The following ADARB1 variants were observed in gnomAD, a reference collection of about 807,000 sequenced individuals.
ADARB1 encodes the protein adenosine deaminase RNA specific B1, also known as double-stranded RNA-specific editase 1.
ADARB1 carries 10 observed loss-of-function variants against 52.4 expected under a neutral mutation model. That is an observed-to-expected ratio of 0.19 (90% CI 0.12 to 0.32). The LOEUF is 0.32. Among genes scored for constraint, ADARB1 ranks in the 10% least tolerant of loss-of-function variants. The probability of loss-of-function intolerance (pLI) is 1.00; values close to 1 mark genes in which losing one functional copy is unlikely to be tolerated. For missense variants in ADARB1, 643 were observed against 922.3 expected, an observed-to-expected ratio of 0.70 and a Z score of 3.92; for synonymous variants, 349 against 371.1, an observed-to-expected ratio of 0.94 and a Z score of 0.68.
At chr21:45,124,787 A>ATGTGTGTGTGTGTG (rs56113860) in intron 1 of ADARB1, among the ~76,000 whole-genome samples, 7 of 135,702 alleles carry the variant, frequency 5.2e-5, no homozygotes, top group Admixed American at 2.9e-4. Flanking sequence ...GTGTGTGTGT[A>ATGTGTGTGTGTGTG]TGTGTGTGTG....
At chr21:45,197,948 G>A (rs1313427476) in intron 8 of ADARB1, among the ~76,000 whole-genome samples, 1 of 152,102 alleles carries the variant, frequency 6.6e-6, no homozygotes, top group Non-Finnish European at 1.5e-5. Context: ...GGTTTGGGGA[G>A]TGAGGTCACA....
At chr21:45,188,282 T>A (rs2092173590) in intron 8 of ADARB1, among the ~76,000 whole-genome samples, 1 of 152,128 alleles carries the variant, frequency 6.6e-6, no homozygotes, top group East Asian at 1.9e-4. Context: ...AATTTTTGTA[T>A]TTTTAGTAGA....
chr21:45,147,949 G>A (rs1377816721), intron 2 of ADARB1, among the ~76,000 whole-genome samples: 1 of 151,778 alleles, frequency 6.6e-6, no homozygotes, highest in Non-Finnish European at 1.5e-5. Context: ...CCGCGCCTGT[G>A]CCAACTGCCT....
chr21:45,102,137 C>T (rs2087047050), intron 1 of ADARB1, among the ~76,000 whole-genome samples: 1 of 152,184 alleles, frequency 6.6e-6, no homozygotes, highest in Non-Finnish European at 1.5e-5. Flanking sequence ...AGCGATCCTC[C>T]CTCTTCGGCC....
At chr21:45,134,880 C>A in intron 2 of ADARB1, 1 of 524,790 alleles carries the variant, frequency 1.9e-6, no homozygotes, top group East Asian at 5.6e-5. Context: ...GCACCACACC[C>A]CTGGCTGCCG....
chr21:45,089,988 A>T (rs2086499900), intron 1 of ADARB1, among the ~76,000 whole-genome samples: 1 of 152,010 alleles, frequency 6.6e-6, no homozygotes, highest in Non-Finnish European at 1.5e-5. Flanking sequence ...AGCAGGCTGC[A>T]TCTCGTTGTT....
chr21:45,138,613 C>T (rs753135599), intron 2 of ADARB1, among the ~76,000 whole-genome samples: 6 of 152,182 alleles, frequency 3.9e-5, no homozygotes, highest in Admixed American at 6.5e-5. Context: ...GTGTCTTTCT[C>T]CTTGGCAAGA....
chr21:45,109,146 T>TGC, intron 1 of ADARB1, among the ~76,000 whole-genome samples: 1 of 151,426 alleles, frequency 6.6e-6, no homozygotes, highest in Non-Finnish European at 1.5e-5. Flanking sequence ...CGTGTGTGTG[T>TGC]GCGCGCGTGT....
At position 45,180,360 on chromosome 21, in the gene ADARB1, C is replaced by T. The variant is rs1195109174; in HGVS notation, c.994C>T (p.Leu332=). The change falls in exon 5 of 11, where the codon CTG becomes TTG. Residue 332 remains leucine (L), a synonymous_variant. Transcript: ENST00000348831. ...VLADAVSRLV[L]GKFGDLTDNF... ...AGCTGACGCTGTCTCACGCCTGGTC[C>T]TGGGTAAGTTTGGTGACCTGACCGA... The T allele has an allele frequency of 1.2e-6, 2 of 1,614,128 alleles. No homozygotes were observed. Among genetic ancestry groups the T allele is most frequent in the Admixed American group, 3.3e-5 (2 of 60,028 alleles).
intron 2 of ADARB1, among the ~76,000 whole-genome samples, chr21:45,165,869 A>G (rs2091235528): frequency 6.6e-6 from 1 of 152,060 alleles, no homozygotes; most frequent in Non-Finnish European, 1.5e-5. Flanking sequence ...TTAAATATGG[A>G]ACCCATAGCA....
chr21:45,167,880 G>GT (rs759454265), intron 2 of ADARB1, among the ~76,000 whole-genome samples: 58 of 152,194 alleles, frequency 3.8e-4, no homozygotes, highest in Non-Finnish European at 5.9e-4. Context: ...TCATGTGGTA[G>GT]TTGCATATTT....
chr21:45,218,040 A>G (rs1384477856), intron 9 of ADARB1, among the ~76,000 whole-genome samples: 2 of 151,954 alleles, frequency 1.3e-5, no homozygotes, highest in African/African-American at 4.8e-5. Context: ...AGTTTTATTC[A>G]TGTTTCTTGT....
At chr21:45,075,669 GACGCTGAA>G (rs976403637) in intron 1 of ADARB1, among the ~76,000 whole-genome samples, 1 of 152,216 alleles carries the variant, frequency 6.6e-6, no homozygotes, top group African/African-American at 2.4e-5. Context: ...TTGGGCTGTG[GACGCTGAA>G]ACGTGTTGGA....
chr21:45,122,387 G>T (rs927192378), intron 1 of ADARB1, among the ~76,000 whole-genome samples: 1 of 152,192 alleles, frequency 6.6e-6, no homozygotes, highest in African/African-American at 2.4e-5. Flanking sequence ...TTGGTACAAG[G>T]CATGTTAAAT....
At chr21:45,133,331 C>T (rs2089073303) in intron 2 of ADARB1, among the ~76,000 whole-genome samples, 1 of 152,238 alleles carries the variant, frequency 6.6e-6, no homozygotes, top group African/African-American at 2.4e-5. Context: ...GCCCTGTGGC[C>T]CTCTTCCCAG....
intron 1 of ADARB1, among the ~76,000 whole-genome samples, chr21:45,101,518 C>T (rs1479053448): frequency 1.3e-5 from 2 of 152,176 alleles, no homozygotes; most frequent in African/African-American, 2.4e-5. Flanking sequence ...TGTGATGTAA[C>T]GAAAACCTTT....
intron 1 of ADARB1, among the ~76,000 whole-genome samples, chr21:45,083,570 A>G (rs1031484645): frequency 6.6e-6 from 1 of 152,232 alleles, no homozygotes; most frequent in Non-Finnish European, 1.5e-5. Context: ...CTGAAATAAT[A>G]CTTATAACTA....
chr21:45,114,212 G>T (rs1295345106), intron 1 of ADARB1, among the ~76,000 whole-genome samples: 1 of 152,134 alleles, frequency 6.6e-6, no homozygotes, highest in Non-Finnish European at 1.5e-5. Flanking sequence ...GCTTTTAGAT[G>T]GAGTCATAGA....
Position 45,176,697 on chromosome 21 carries a change from G to T in ADARB1, c.963+33G>T, listed in dbSNP as rs1198680172. 1.9e-6 allele frequency: 3 copies of T among 1,552,282 alleles called. No homozygotes were observed. Among genetic ancestry groups the T allele is most frequent in the Non-Finnish European group, 2.6e-6 (3 of 1,148,408 alleles). On this transcript the variant is annotated intron_variant, in intron 4 of 10. Transcript: ENST00000348831. The surrounding 1 kb of genome is among the most constrained non-coding windows in gnomAD (Gnocchi z 5.8). ...ACTATGCTGCTGCTTTAAAACACGG[G>T]GTCATTGCTCTTGGTAATGCTTCTA...
Sources: allele counts gnomAD v4.1 joint callset (sites outside exome capture counted in the v4.1 genomes callset), GRCh38; gene constraint gnomAD v4.1.1; non-coding constraint Gnocchi (gnomAD v3.1); transcripts MANE v1.5; gene names NCBI Gene and HGNC (gene_info 2026-07-23, HGNC 2026-07-21).